The following UBE3A variants were observed in gnomAD, a reference collection of about 807,000 sequenced individuals.
UBE3A encodes ubiquitin-protein ligase E3A.
A neutral mutation model predicts 83.4 loss-of-function variants in UBE3A; 6 were observed. The observed-to-expected ratio is 0.07, with a 90% CI of 0.04 to 0.14. The LOEUF (loss-of-function observed/expected upper bound fraction) is 0.14. UBE3A is among the 10% of genes least tolerant of loss of function. The pLI is 1.00. For synonymous variants in UBE3A, 337 were observed against 355.4 expected, an observed-to-expected ratio of 0.95 and a Z score of 0.58; for missense variants, 456 against 1,036.1, an observed-to-expected ratio of 0.44 and a Z score of 7.69.
chr15:25,380,626 G>T (rs1380596523), intron 4 of UBE3A, among the ~76,000 whole-genome samples: 1 of 152,134 alleles, frequency 6.6e-6, no homozygotes, highest in African/African-American at 2.4e-5. Flanking sequence ...GAAAAAGAAG[G>T]AAAGAAAGGA....
chr15:25,430,152 CATAT>C (rs1190416343), intron 1 of UBE3A, among the ~76,000 whole-genome samples: 8 of 23,136 alleles, frequency 3.5e-4, no homozygotes, highest in South Asian at 1.1e-3. Context: ...ATATATAATA[CATAT>C]ATATAAGATT....
At chr15:25,428,653 C>G (rs1022506192) in intron 1 of UBE3A, among the ~76,000 whole-genome samples, 1 of 152,048 alleles carries the variant, frequency 6.6e-6, no homozygotes, top group South Asian at 2.1e-4. Context: ...AATAAATTTC[C>G]TATCCTTTTA....
chr15:25,437,310 A>G (rs995420276), intron 1 of UBE3A, among the ~76,000 whole-genome samples: 2 of 152,186 alleles, frequency 1.3e-5, no homozygotes, highest in Non-Finnish European at 2.9e-5. Flanking sequence ...TCACTTCTTA[A>G]GTAAGAGTAC....
rs1895998677 is a variant in UBE3A at position 25,438,946 on chromosome 15, C to A, written c.-622G>T. The A allele has an allele frequency of 1.3e-5, 2 of 152,198 alleles. No homozygotes were observed. Among genetic ancestry groups the A allele is most frequent in the Admixed American group, 6.5e-5 (1 of 15,280 alleles). 9.4% of individuals were successfully genotyped at this position (152,198 alleles called of 1,614,324 possible). On this transcript the variant is annotated 5_prime_UTR_variant, in exon 1 of 13. Coordinates refer to ENST00000648336, the MANE Select transcript of UBE3A (RefSeq NM_130839.5). ...GCGAAGGGAAAAGGCCCCGTCGTCT[C>A]CTGTAGTCACCCCGAGCCCAGCGCC... is the stretch of plus-strand genomic sequence containing the variant.
intron 9 of UBE3A, 119 bp downstream of exon 9, chr15:25,355,773 C>T: frequency 9.7e-7 from 1 of 1,031,728 alleles, no homozygotes; most frequent in Non-Finnish European, 1.4e-6. Flanking sequence ...TTTACATAAA[C>T]TTAGTTACTT....
Position 25,335,722 on chromosome 15 carries a change from C to T in UBE3A, c.*3415G>A, listed in dbSNP as rs994688076. The T allele has an allele frequency of 1.3e-5, 2 of 152,112 alleles. No individual in the cohort carries two copies. Among genetic ancestry groups the T allele is most frequent in the African/African-American group, 2.4e-5 (1 of 41,396 alleles). The allele number at this position is 152,112 out of a possible 1,614,324, so 9.4% of individuals were successfully genotyped here. A position where few individuals can be genotyped will look rare whatever the true frequency, so the allele number is the denominator to read the frequency against. On this transcript the variant is annotated 3_prime_UTR_variant, in exon 13 of 13. Transcript: ENST00000648336. ...ACTGACTATGAGGTAACAAAGAAAT[C>T]CCAGAGACAGAGGTCTGAGCAAAAG... is the stretch of plus-strand genomic sequence containing the variant.
At chr15:25,407,089 G>GT (rs773522328) in intron 3 of UBE3A, 12 of 1,350,558 alleles carry the variant, frequency 8.9e-6, no homozygotes, top group Middle Eastern at 2.1e-4. Context: ...AGCCTTGTGG[G>GT]TAAGTACCCC....
chr15:25,364,715 C>T (rs181234778), intron 6 of UBE3A, among the ~76,000 whole-genome samples: 12 of 146,674 alleles, frequency 8.2e-5, no homozygotes, highest in African/African-American at 2.9e-4. Context: ...GCAATCTTGG[C>T]GCACTGCAAG....
chr15:25,340,349 T>C lies in UBE3A; in HGVS notation c.2355-121A>G, dbSNP rs562238764. ...ACAACTTGGAAGTTAATTATCAGGA[T>C]AGTATCACTTCTGGTGATTTAAAAA... On this transcript the variant is annotated intron_variant, in intron 11 of 12. Transcript: ENST00000648336. 7.4e-4 allele frequency: 873 copies of C among 1,185,660 alleles called. 1 individual carries two copies. Among genetic ancestry groups the C allele is most frequent in the Non-Finnish European group, 8.6e-4 (705 of 817,286 alleles). The allele number at this position is 1,185,660 out of a possible 1,614,324, so 73.4% of individuals were successfully genotyped here. A position where few individuals can be genotyped will look rare whatever the true frequency, so the allele number is the denominator to read the frequency against.
rs1250885132 is a variant in UBE3A at position 25,341,517 on chromosome 15, A to G, written c.2355-1289T>C. 5.3e-5 allele frequency among the ~76,000 whole-genome samples: 8 copies of G among 151,980 alleles called. No individual in the cohort carries two copies. The South Asian group carries it at 1.7e-3, about 32-fold the overall frequency. ...GGTGGCTCATGCCTGTAATCCCAGC[A>G]CTTTGGGAGGCTGAGGCCAGTGGAT... On this transcript the variant is annotated intron_variant, in intron 11 of 12. Coordinates refer to ENST00000648336, the MANE Select transcript of UBE3A (RefSeq NM_130839.5).
chr15:25,365,746 T>TAAAAAAAAAAAAAAAAAAAAAAGAA (rs36057934), intron 6 of UBE3A, among the ~76,000 whole-genome samples: 1 of 109,448 alleles, frequency 9.1e-6, no homozygotes, highest in African/African-American at 3.4e-5. Flanking sequence ...AGACTCCGTC[T>TAAAAAAAAAAAAAAAAAAAAAAGAA]AAAAAAAAAA....
chr15:25,437,851 G>GT (rs34428856), intron 1 of UBE3A, among the ~76,000 whole-genome samples: 1 of 117,664 alleles, frequency 8.5e-6, no homozygotes, highest in Non-Finnish European at 1.9e-5. Context: ...ACACTGAAAA[G>GT]GGGGGGGAAA....
intron 11 of UBE3A, among the ~76,000 whole-genome samples, chr15:25,340,759 A>G (rs1456734490): frequency 2.0e-5 from 3 of 152,202 alleles, no homozygotes; most frequent in Admixed American, 2.0e-4. Flanking sequence ...CCCCAAATGC[A>G]AACAACTACA....
intron 1 of UBE3A, among the ~76,000 whole-genome samples, chr15:25,416,292 TATTCTTAAAATGGAATATCACTTCC>T (rs1280265657): frequency 2.0e-5 from 3 of 152,136 alleles, no homozygotes; most frequent in Non-Finnish European, 2.9e-5. Flanking sequence ...AACTATGGCA[TATTCTTAAAATGGAATATCACTTCC>T]ATTCTTAAAA....
rs2080090799 is a variant in UBE3A, at chr15:25,370,229, A to G, written c.1608+337T>C. The stretch of plus-strand genomic sequence containing the variant: ...AGTTCAAGACTGCACATCCACACTT[A>G]TTATTGGGTATCTCCACATTTCTCT... On this transcript the variant is annotated intron_variant, in intron 6 of 12. Transcript: ENST00000648336. The surrounding 1 kb of genome is among the most constrained non-coding windows in gnomAD (Gnocchi z 4.2). Among the ~76,000 whole-genome samples, 1 of 152,190 alleles carries G rather than the reference A, an allele frequency of 6.6e-6. No individual in the cohort carries two copies. The highest frequency in any genetic ancestry group is 2.1e-4 in the South Asian group (1 of 4,834).
chr15:25,353,263 A>G (rs1344548206), intron 11 of UBE3A, among the ~76,000 whole-genome samples: 1 of 152,220 alleles, frequency 6.6e-6, no homozygotes, highest in Non-Finnish European at 1.5e-5. Flanking sequence ...CACCAGAAAG[A>G]AGAAATACTG....
chr15:25,368,457 T>C (rs2079703178), intron 6 of UBE3A, among the ~76,000 whole-genome samples: 1 of 152,170 alleles, frequency 6.6e-6, no homozygotes, highest in African/African-American at 2.4e-5. Context: ...AGTGTGAGCA[T>C]TCAGAGCCCC....
At chr15:25,413,780 G>A (rs2090415912) in intron 1 of UBE3A, among the ~76,000 whole-genome samples, 1 of 152,014 alleles carries the variant, frequency 6.6e-6, no homozygotes, top group Non-Finnish European at 1.5e-5. Context: ...TATTCCCAGT[G>A]CTTTGGCCCC....
intron 11 of UBE3A, chr15:25,346,810 A>T (rs1194648882): frequency 6.6e-6 from 1 of 152,240 alleles, no homozygotes; most frequent in Non-Finnish European, 1.5e-5. Flanking sequence ...GAGAGAAAAT[A>T]GACTGAAAAA....
Sources: allele counts gnomAD v4.1 joint callset (sites outside exome capture counted in the v4.1 genomes callset), GRCh38; gene constraint gnomAD v4.1.1; non-coding constraint Gnocchi (gnomAD v3.1); transcripts MANE v1.5; gene names NCBI Gene and HGNC (gene_info 2026-07-23, HGNC 2026-07-21).